Variants in PIK3C2G observed in about 807,000 individuals in gnomAD.
The protein encoded by PIK3C2G is phosphatidylinositol 3-kinase C2 domain-containing subunit gamma.
Under a neutral mutation model 181.1 loss-of-function variants are expected in PIK3C2G, and 168 were observed. The ratio of observed to expected loss-of-function variants is 0.93; its 90% confidence interval spans 0.82 to 1.05. The LOEUF (loss-of-function observed/expected upper bound fraction) is 1.05, where lower values mean the gene tolerates loss of function less well. Among genes scored for constraint, PIK3C2G ranks in the 50% least tolerant of loss-of-function variants. The probability of loss-of-function intolerance (pLI) is 0.00; values close to 1 mark genes in which losing one functional copy is unlikely to be tolerated. For missense variants in PIK3C2G, 1,869 were observed against 1,732.8 expected, an observed-to-expected ratio of 1.08 and a Z score of -1.40; for synonymous variants, 573 against 592.2, an observed-to-expected ratio of 0.97 and a Z score of 0.47.
Position 18,640,487 on chromosome 12 carries a change from C to T in PIK3C2G, c.4241C>T (p.Pro1414Leu). 1.2e-6 allele frequency: 2 copies of T among 1,608,512 alleles called. No individual in the cohort carries two copies. Among genetic ancestry groups the T allele is most frequent in the Non-Finnish European group, 1.7e-6 (2 of 1,176,690 alleles). Residue 1414 changes from proline (P) to leucine (L), a missense_variant, in exon 32 of 33, where the codon CCC becomes CTC. By Grantham distance (98) the Pro-to-Leu change is moderately conservative. Coordinates refer to ENST00000538779, the MANE Select transcript of PIK3C2G (RefSeq NM_001288772.2). ...AHVEFYLLPY[P>L]SEVRRRKTKS... ...GTTGAATTTTATCTTTTACCATATC[C>T]CAGTGAAGTTCGTAGGAGGAAAACA...
chr12:18,572,551 C>A (rs1002772305), intron 29 of PIK3C2G, among the ~76,000 whole-genome samples: 1 of 151,414 alleles, frequency 6.6e-6, no homozygotes, highest in Non-Finnish European at 1.5e-5. Flanking sequence ...TTACTATAAT[C>A]TACTCAGATG....
chr12:18,291,520 G>A (rs1286328036), intron 4 of PIK3C2G, among the ~76,000 whole-genome samples: 1 of 152,050 alleles, frequency 6.6e-6, no homozygotes, highest in Non-Finnish European at 1.5e-5. Flanking sequence ...TGACACCCAG[G>A]AATTTATATT....
intron 1 of PIK3C2G, among the ~76,000 whole-genome samples, chr12:18,280,962 A>T (rs1949186871): frequency 6.6e-6 from 1 of 151,958 alleles, no homozygotes; most frequent in African/African-American, 2.4e-5. Flanking sequence ...TTCAAAGGTG[A>T]AACTCTGGTT....
chr12:18,349,474 T>C (rs774261275), intron 11 of PIK3C2G, among the ~76,000 whole-genome samples: 2 of 152,126 alleles, frequency 1.3e-5, no homozygotes, highest in African/African-American at 2.4e-5. Flanking sequence ...TGAATTATCA[T>C]CTACTCCACA....
the PIK3C2G span, chr12:18,696,039 G>T: frequency 1.6e-6 from 1 of 610,766 alleles, no homozygotes; most frequent in Admixed American, 2.4e-5. Context: ...CAAAGCCCCC[G>T]GGCTAAAAAA....
chr12:18,477,742 A>G (rs1425929390), intron 18 of PIK3C2G, among the ~76,000 whole-genome samples: 1 of 152,180 alleles, frequency 6.6e-6, no homozygotes, highest in Non-Finnish European at 1.5e-5. Context: ...TTACAGAATG[A>G]ATCTCACTGT....
chr12:18,337,528 G>A (rs1591991819), intron 8 of PIK3C2G, among the ~76,000 whole-genome samples: 1 of 152,272 alleles, frequency 6.6e-6, no homozygotes, highest in Admixed American at 6.5e-5. Flanking sequence ...AAGAAGTGTG[G>A]TGCCAGCATC....
In PIK3C2G at chr12:18,255,252, T is replaced by TAAATAAACAAAC. The variant is rs1555136296; in HGVS notation, c.-79+7173_-79+7174insTAAACAAACAAA. On this transcript the variant is annotated intron_variant, in intron 1 of 11. Transcript: ENST00000535651. Reference sequence around the variant, plus strand: ...ATAAATAAATAAATAAATAAATAAATAAACAAACAAACAAACAAATAAATG... The same window carrying TAAATAAACAAAC: ...ATAAATAAATAAATAAATAAATAAATAAATAAACAAACAAACAAACAAACAAACAAATAAATG... Among the ~76,000 whole-genome samples, 1,147 of 143,696 alleles carry TAAATAAACAAAC rather than the reference T, an allele frequency of 8.0e-3. 14 individuals carry two copies. The highest frequency in any genetic ancestry group is 0.017 in the South Asian group (72 of 4,338). 94.3% of individuals were successfully genotyped at this position (143,696 alleles called of 152,430 possible).
At chr12:18,346,497 A>G in intron 10 of PIK3C2G, 144 bp from the exon 11 acceptor site, 1 of 486,014 alleles carries the variant, frequency 2.1e-6, no homozygotes, top group East Asian at 3.3e-5. Flanking sequence ...AGAGGTACAG[A>G]TAGTTAATTC....
intron 3 of PIK3C2G, among the ~76,000 whole-genome samples, chr12:18,287,157 G>C (rs932603706): frequency 1.3e-5 from 2 of 152,040 alleles, no homozygotes; most frequent in African/African-American, 4.8e-5. Context: ...TTTGGTTAAA[G>C]TTAAATGTTT....
chr12:18,451,885 G>A (rs369721992), intron 18 of PIK3C2G, among the ~76,000 whole-genome samples: 11 of 152,238 alleles, frequency 7.2e-5, no homozygotes, highest in East Asian at 5.8e-4. Flanking sequence ...ATTGATTTGC[G>A]TATGTTGAAC....
chr12:18,613,061 A>G (rs1948423603), intron 31 of PIK3C2G, among the ~76,000 whole-genome samples: 3 of 152,154 alleles, frequency 2.0e-5, no homozygotes, highest in African/African-American at 7.2e-5. Flanking sequence ...AAGAACAGTT[A>G]GATTTGAAAT....
At chr12:18,425,017 GA>G in intron 18 of PIK3C2G, 1 of 174,866 alleles carries the variant, frequency 5.7e-6, no homozygotes, top group Non-Finnish European at 1.2e-5. Flanking sequence ...AGGGGGAGGA[GA>G]AAAAATGATA....
At chr12:18,685,852 A>G in the PIK3C2G span, among the ~76,000 whole-genome samples, 20 of 144,804 alleles carry the variant, frequency 1.4e-4, no homozygotes, top group African/African-American at 4.8e-4. Context: ...ACGCGCACAC[A>G]CACACACACA....
intron 18 of PIK3C2G, among the ~76,000 whole-genome samples, chr12:18,431,170 T>C (rs1185470751): frequency 1.3e-5 from 2 of 152,192 alleles, no homozygotes; most frequent in Non-Finnish European, 2.9e-5. Flanking sequence ...ATTGCTCTCT[T>C]CCAGCAGTTC....
At chr12:18,635,584 G>A (rs1444732738) in intron 31 of PIK3C2G, among the ~76,000 whole-genome samples, 2 of 152,152 alleles carry the variant, frequency 1.3e-5, no homozygotes, top group Non-Finnish European at 2.9e-5. Context: ...AAGATGGCAG[G>A]CCTTTGCTCC....
At chr12:18,642,684 C>A (rs1173479120) in intron 32 of PIK3C2G, among the ~76,000 whole-genome samples, 3 of 152,060 alleles carry the variant, frequency 2.0e-5, no homozygotes, top group African/African-American at 7.2e-5. Flanking sequence ...TCATAAACTT[C>A]TCCAGGGCGG....
At chr12:18,487,018 CTCT>C (rs939813904) in intron 18 of PIK3C2G, among the ~76,000 whole-genome samples, 19 of 151,906 alleles carry the variant, frequency 1.3e-4, no homozygotes, top group African/African-American at 4.6e-4. Context: ...TTCACTGCTA[CTCT>C]TCTTAAAATG....
chr12:18,445,893 G>A (rs985202336), intron 18 of PIK3C2G, among the ~76,000 whole-genome samples: 13 of 152,084 alleles, frequency 8.5e-5, no homozygotes, highest in Admixed American at 6.6e-4. Flanking sequence ...GAACATCTCT[G>A]AATGGATACA....
Sources: gnomAD v4.1 joint callset for allele counts (sites outside exome capture counted in the v4.1 genomes callset) on GRCh38, gnomAD v4.1.1 for gene constraint, MANE v1.5 for transcripts, NCBI Gene and HGNC (gene_info 2026-07-23, HGNC 2026-07-21) for gene names.